The following TMEM132B variants were observed in gnomAD, a reference collection of about 807,000 sequenced individuals.
The protein encoded by TMEM132B is transmembrane protein 132B.
TMEM132B carries 18 observed loss-of-function variants against 90.8 expected under a neutral mutation model. The observed-to-expected ratio is 0.20, with a 90% CI of 0.14 to 0.29. TMEM132B has a LOEUF of 0.29. Among genes scored for constraint, TMEM132B ranks in the 10% least tolerant of loss-of-function variants. TMEM132B has a pLI of 1.00. For missense variants in TMEM132B, 1,096 were observed against 1,326.8 expected (o/e 0.83, Z 2.70); for synonymous variants, 504 against 523.3 (o/e 0.96, Z 0.50).
chr12:125,371,827 A>G (rs1471859427), intron 2 of TMEM132B, among the ~76,000 whole-genome samples: 1 of 152,226 alleles, frequency 6.6e-6, no homozygotes, highest in African/African-American at 2.4e-5. Context: ...CTTCACTAGC[A>G]GGGTATTGTT....
At position 125,487,590 on chromosome 12, in the gene TMEM132B, C is replaced by T. The variant is rs925839967; in HGVS notation, c.1107-31849C>T. Among the ~76,000 whole-genome samples, 6 of 152,262 alleles carry T rather than the reference C, an allele frequency of 3.9e-5. 1 individual carries two copies. Among genetic ancestry groups the T allele is most frequent in the Admixed American group, 2.0e-4 (3 of 15,288 alleles). On this transcript the variant is annotated intron_variant, in intron 3 of 8. Transcript: ENST00000682704. ...AGTTTCCATGGAAACCCTGGAAGAT[C>T]TCACAAGATGTTTTCAAAGGCCAGG...
intron 1 of TMEM132B, among the ~76,000 whole-genome samples, chr12:125,191,010 T>TG (rs1489414770): frequency 1.0e-4 from 2 of 19,930 alleles, no homozygotes; most frequent in Non-Finnish European, 9.5e-5. Flanking sequence ...GTGATGGTGA[T>TG]GGGAAGGGGT....
intron 4 of TMEM132B, among the ~76,000 whole-genome samples, chr12:125,570,310 C>T (rs886860391): frequency 6.6e-6 from 1 of 152,218 alleles, no homozygotes; most frequent in Non-Finnish European, 1.5e-5. Context: ...GTGAGGTAAA[C>T]TTGCCTGTAA....
At chr12:125,256,956 A>G (rs1028646114) in intron 1 of TMEM132B, among the ~76,000 whole-genome samples, 1 of 152,114 alleles carries the variant, frequency 6.6e-6, no homozygotes, top group Non-Finnish European at 1.5e-5. Flanking sequence ...TTCAGAGAGG[A>G]GTTGGAGATC....
intron 1 of TMEM132B, among the ~76,000 whole-genome samples, chr12:125,269,814 C>T (rs1874785013): frequency 6.6e-6 from 1 of 152,100 alleles, no homozygotes; most frequent in Admixed American, 6.6e-5. Flanking sequence ...TATGGCAGCT[C>T]CTCTCGGCAA....
intron 5 of TMEM132B, among the ~76,000 whole-genome samples, chr12:125,605,595 TCTC>T (rs1428484122): frequency 6.6e-6 from 1 of 152,136 alleles, no homozygotes; most frequent in African/African-American, 2.4e-5. Flanking sequence ...ATGAAAAATC[TCTC>T]CTCTTAATTT....
At chr12:125,301,926 G>C (rs1238242647) in intron 1 of TMEM132B, 1 of 142,706 alleles carries the variant, frequency 7.0e-6, no homozygotes, top group Non-Finnish European at 1.5e-5. Flanking sequence ...AATTGGCTGG[G>C]TGCGGTGGCT....
intron 3 of TMEM132B, among the ~76,000 whole-genome samples, chr12:125,504,484 G>A (rs1450423683): frequency 6.6e-6 from 1 of 152,076 alleles, no homozygotes; most frequent in African/African-American, 2.4e-5. Context: ...TAATTTTAGA[G>A]AACGCTGGTT....
intron 3 of TMEM132B, among the ~76,000 whole-genome samples, chr12:125,464,090 G>T (rs1484146588): frequency 6.6e-6 from 1 of 152,162 alleles, no homozygotes; most frequent in East Asian, 1.9e-4. Context: ...ATTATGATTT[G>T]AGATGAGATT....
At chr12:125,319,530 C>T (rs779475889) in intron 1 of TMEM132B, among the ~76,000 whole-genome samples, 48 of 152,350 alleles carry the variant, frequency 3.2e-4, no homozygotes, top group Middle Eastern at 3.4e-3. Context: ...AACTCTGATC[C>T]ATCACACATC....
intron 5 of TMEM132B, among the ~76,000 whole-genome samples, chr12:125,640,879 C>G (rs1282036506): frequency 1.3e-5 from 2 of 151,902 alleles, no homozygotes; most frequent in Non-Finnish European, 2.9e-5. Flanking sequence ...TATAAAATGC[C>G]TATGAACACT....
intron 5 of TMEM132B, among the ~76,000 whole-genome samples, chr12:125,634,744 C>G (rs1018250130): frequency 6.6e-6 from 1 of 152,150 alleles, no homozygotes; most frequent in Non-Finnish European, 1.5e-5. Context: ...GGAAAGGAGG[C>G]CTCAGGACTC....
chr12:125,390,607 A>G (rs978583098), intron 2 of TMEM132B, among the ~76,000 whole-genome samples: 3 of 152,210 alleles, frequency 2.0e-5, no homozygotes, highest in African/African-American at 7.2e-5. Context: ...ATGTAAAAGC[A>G]TTGCATCTTT....
At chr12:125,216,317 G>T (rs897518230) in intron 1 of TMEM132B, among the ~76,000 whole-genome samples, 1 of 152,140 alleles carries the variant, frequency 6.6e-6, no homozygotes, top group Non-Finnish European at 1.5e-5. Flanking sequence ...GCTCTCTCAT[G>T]TCTCCTCTTA....
chr12:125,639,249 G>A (rs1011429444), intron 5 of TMEM132B, among the ~76,000 whole-genome samples: 4 of 152,154 alleles, frequency 2.6e-5, no homozygotes, highest in Non-Finnish European at 5.9e-5. Flanking sequence ...GGGAATCCAA[G>A]GCCTCACATT....
rs1879540477 is a variant in TMEM132B, at chr12:125,407,655, C to T, written c.960-7876C>T. ...TCTGGACTCAGACTCTTTCCAGCATCCAGTCCTCCATCACAGACAAGGCCA... is the reference window on the plus strand; with the variant it reads ...TCTGGACTCAGACTCTTTCCAGCATTCAGTCCTCCATCACAGACAAGGCCA... On this transcript the variant is annotated intron_variant, in intron 2 of 8. Transcript: ENST00000682704. This position sits in a 1 kb window ranked among gnomAD's most constrained non-coding sequence, Gnocchi z 6.7. Among the ~76,000 whole-genome samples, 1 of 152,214 alleles carries T rather than the reference C, an allele frequency of 6.6e-6. No homozygotes were observed.
chr12:125,631,849 C>T (rs1015807662), intron 5 of TMEM132B, among the ~76,000 whole-genome samples: 1 of 152,024 alleles, frequency 6.6e-6, no homozygotes, highest in Non-Finnish European at 1.5e-5. Flanking sequence ...CTTTTTCCAT[C>T]CGTTTATTTT....
At chr12:125,545,249 G>A (rs898277565) in intron 4 of TMEM132B, among the ~76,000 whole-genome samples, 5 of 152,238 alleles carry the variant, frequency 3.3e-5, no homozygotes, top group African/African-American at 1.2e-4. Context: ...CTTGCTGCCT[G>A]TAAATTAGTT....
intron 1 of TMEM132B, among the ~76,000 whole-genome samples, chr12:125,226,619 T>C (rs11058076): frequency 0.036 from 5,463 of 152,264 alleles, 126 homozygotes; most frequent in Non-Finnish European, 0.049. Flanking sequence ...TGGTAAGAGG[T>C]TAGCTTTAGA....
Sources: allele counts gnomAD v4.1 joint callset (sites outside exome capture counted in the v4.1 genomes callset), GRCh38; gene constraint gnomAD v4.1.1; non-coding constraint Gnocchi (gnomAD v3.1); transcripts MANE v1.5; gene names NCBI Gene and HGNC (gene_info 2026-07-23, HGNC 2026-07-21).